The following AGBL1 variants were observed in gnomAD, a reference collection of about 807,000 sequenced individuals.
AGBL1 encodes the protein AGBL carboxypeptidase 1.
Under a neutral mutation model 118.9 loss-of-function variants are expected in AGBL1, and 130 were observed. The observed-to-expected ratio is 1.09, with a 90% CI of 0.95 to 1.26. AGBL1 has a LOEUF of 1.26. Ranked by LOEUF, AGBL1 falls within the 50% of genes most tolerant of loss-of-function variation. The pLI is 0.00. For missense variants in AGBL1, 1,584 were observed against 1,298.1 expected, an observed-to-expected ratio of 1.22 and a Z score of -3.38; for synonymous variants, 555 against 478.9, an observed-to-expected ratio of 1.16 and a Z score of -2.08.
chr15:86,572,559 G>T (rs973152308), intron 21 of AGBL1, among the ~76,000 whole-genome samples: 6 of 152,192 alleles, frequency 3.9e-5, no homozygotes, highest in African/African-American at 1.2e-4. Flanking sequence ...CACCGTTCCC[G>T]CAGTGGTGGT....
chr15:86,288,090 C>T (rs989936918), intron 16 of AGBL1, among the ~76,000 whole-genome samples: 2 of 152,156 alleles, frequency 1.3e-5, no homozygotes, highest in Non-Finnish European at 2.9e-5. Context: ...AATGCTGCAA[C>T]CAAGTTTCCC....
chr15:86,760,581 C>A (rs2078009670), intron 22 of AGBL1, among the ~76,000 whole-genome samples: 1 of 152,036 alleles, frequency 6.6e-6, no homozygotes, highest in South Asian at 2.1e-4. Context: ...TATGTAAAAA[C>A]CAAATGATCG....
rs969117156 is a variant in AGBL1, at chr15:86,914,610, A to G, written c.*7316A>G. 1 of 152,192 alleles carries G rather than the reference A, an allele frequency of 6.6e-6. No homozygotes were observed. The highest frequency in any genetic ancestry group is 2.4e-5 in the African/African-American group (1 of 41,434). 9.4% of individuals were successfully genotyped at this position (152,192 alleles called of 1,614,324 possible). On this transcript the variant is annotated 3_prime_UTR_variant, in exon 23 of 23. Transcript: ENST00000614907. ...ACCATCGCAGGTGTCATCATGTTTA[A>G]GCCTAAAACTTCAGCCCAACGAGCT...
intron 22 of AGBL1, among the ~76,000 whole-genome samples, chr15:86,860,072 A>AT (rs2079540015): frequency 6.6e-6 from 1 of 152,076 alleles, no homozygotes; most frequent in Admixed American, 6.6e-5. Flanking sequence ...TTAATGATTG[A>AT]TTTTGGGGCG....
intron 1 of AGBL1, among the ~76,000 whole-genome samples, chr15:86,092,816 C>T (rs1053603608): frequency 1.3e-5 from 2 of 152,054 alleles, no homozygotes; most frequent in Non-Finnish European, 2.9e-5. Context: ...TCAAATTCCT[C>T]CTTTTCTAAG....
Position 86,271,558 on chromosome 15 carries a change from T to C in AGBL1, c.1988-61T>C. ...AAGACCTATGTGTATGTGGGGGTCA[T>C]TATTTGGCCCAGAACAACTCTCTTT... On this transcript the variant is annotated intron_variant, in intron 14 of 22. Coordinates refer to ENST00000614907, the MANE Select transcript of AGBL1 (RefSeq NM_001386094.1). The C allele has an allele frequency of 3.8e-6, 5 of 1,308,848 alleles. No homozygotes were observed. In the South Asian group the frequency reaches 5.9e-5, roughly 15 times the overall value. 81.1% of individuals were successfully genotyped at this position (1,308,848 alleles called of 1,614,324 possible).
intron 22 of AGBL1, among the ~76,000 whole-genome samples, chr15:86,816,051 G>A (rs2078853139): frequency 6.6e-6 from 1 of 152,172 alleles, no homozygotes; most frequent in African/African-American, 2.4e-5. Flanking sequence ...ATGGGATAAG[G>A]ACACAGTAAG....
intron 24 of AGBL1, among the ~76,000 whole-genome samples, chr15:87,017,701 C>T (rs1402343613): frequency 6.6e-6 from 1 of 152,110 alleles, no homozygotes; most frequent in Non-Finnish European, 1.5e-5. Context: ...AGAATCAACA[C>T]AAAAACCCTG....
chr15:86,390,101 G>A (rs1012589857), intron 17 of AGBL1, among the ~76,000 whole-genome samples: 6 of 152,032 alleles, frequency 3.9e-5, no homozygotes, highest in Non-Finnish European at 7.4e-5. Context: ...CCAAAAGAAA[G>A]CCAGCAAAGC....
intron 17 of AGBL1, among the ~76,000 whole-genome samples, chr15:86,375,412 GC>G (rs892264047): frequency 6.6e-6 from 1 of 151,558 alleles, no homozygotes; most frequent in African/African-American, 2.4e-5. Flanking sequence ...GGGGGAGACT[GC>G]CCCCATGATC....
chr15:86,115,408 C>G (rs200964249), intron 1 of AGBL1, among the ~76,000 whole-genome samples: 1 of 152,106 alleles, frequency 6.6e-6, no homozygotes, highest in Non-Finnish European at 1.5e-5. Flanking sequence ...CTATTTCTTT[C>G]TTTCTTTTTC....
At chr15:86,993,058 T>A (rs2081348905) in intron 24 of AGBL1, among the ~76,000 whole-genome samples, 1 of 152,232 alleles carries the variant, frequency 6.6e-6, no homozygotes, top group Admixed American at 6.5e-5. Flanking sequence ...ATTTGTCATT[T>A]TTTTATTATC....
At chr15:86,620,796 AATG>A (rs2084791794) in intron 21 of AGBL1, among the ~76,000 whole-genome samples, 1 of 152,044 alleles carries the variant, frequency 6.6e-6, no homozygotes. Context: ...TGAACTTTGA[AATG>A]ATATTAGCTC....
chr15:86,363,480 C>T (rs1277246601), intron 17 of AGBL1, among the ~76,000 whole-genome samples: 1 of 152,096 alleles, frequency 6.6e-6, no homozygotes, highest in Non-Finnish European at 1.5e-5. Context: ...TCTTCATGAC[C>T]CTTTTGTATG....
intron 22 of AGBL1, among the ~76,000 whole-genome samples, chr15:86,784,853 C>T (rs2078384512): frequency 6.6e-6 from 1 of 151,938 alleles, no homozygotes. Flanking sequence ...TGGAGTTTGA[C>T]GTCATTGGAA....
At chr15:86,253,129 T>A (rs1246214363) in intron 7 of AGBL1, among the ~76,000 whole-genome samples, 1 of 152,112 alleles carries the variant, frequency 6.6e-6, no homozygotes, top group African/African-American at 2.4e-5. Flanking sequence ...AACACAGACA[T>A]GGCAGAGCAT....
chr15:86,464,524 CA>C (rs1334807775), intron 18 of AGBL1, among the ~76,000 whole-genome samples: 2 of 152,152 alleles, frequency 1.3e-5, no homozygotes, highest in Non-Finnish European at 2.9e-5. Flanking sequence ...TGCCAGTTTT[CA>C]AAGGGAATGC....
intron 22 of AGBL1, among the ~76,000 whole-genome samples, chr15:86,822,386 T>A (rs1351465122): frequency 2.0e-5 from 3 of 152,166 alleles, no homozygotes; most frequent in African/African-American, 4.8e-5. Context: ...GCATTTGCCT[T>A]TTTTAAGAAC....
At chr15:86,504,862 AT>A (rs1237192955) in intron 18 of AGBL1, among the ~76,000 whole-genome samples, 3 of 151,722 alleles carry the variant, frequency 2.0e-5, no homozygotes, top group African/African-American at 7.2e-5. Context: ...TTTATCAGTG[AT>A]TTTTTAAATG....
Sources: gnomAD v4.1 joint callset for allele counts (sites outside exome capture counted in the v4.1 genomes callset) on GRCh38, gnomAD v4.1.1 for gene constraint, MANE v1.5 for transcripts, NCBI Gene and HGNC (gene_info 2026-07-23, HGNC 2026-07-21) for gene names.